Variants in GIGYF1 observed in about 807,000 individuals in gnomAD.
GIGYF1 encodes the protein GRB10-interacting GYF protein 1.
A neutral mutation model predicts 147.1 loss-of-function variants in GIGYF1; 84 were observed. The ratio of observed to expected loss-of-function variants is 0.57; its 90% CI spans 0.48 to 0.68. The LOEUF (loss-of-function observed/expected upper bound fraction) is 0.68. GIGYF1 is among the 30% of genes least tolerant of loss of function. The pLI, the probability that GIGYF1 is intolerant of heterozygous loss-of-function variation, is 0.00. For missense variants in GIGYF1, 1,485 were observed against 1,393.7 expected (o/e 1.07, Z -1.04); for synonymous variants, 752 against 589.5 (o/e 1.28, Z -3.99).
intron 1 of GIGYF1, among the ~76,000 whole-genome samples, chr7:100,690,895 T>C (rs1172528045): frequency 2.0e-5 from 3 of 151,586 alleles, no homozygotes; most frequent in Non-Finnish European, 4.4e-5. Flanking sequence ...CCTGGCTGTG[T>C]CTTGGCTGCA....
intron 23 of GIGYF1, 46 bp downstream of exon 23, chr7:100,682,544 C>A: frequency 6.3e-7 from 1 of 1,594,528 alleles, no homozygotes; most frequent in Non-Finnish European, 8.5e-7. Flanking sequence ...GGGTCTGCCA[C>A]CTTCCCCCTC....
Position 100,684,842 on chromosome 7 carries a change from T to G in GIGYF1, c.1343A>C (p.Gln448Pro), listed in dbSNP as rs376818698. ...SLQDSSLEEE[Q>P]FTAAMQTQGL... ...CTGGGTCTGCATGGCAGCCGTGAAC[T>G]GCTCCTCCTCCAAGGAGCTGTCCTG... The change falls in exon 15 of 27, where the codon CAG becomes CCG. Residue 448 changes from glutamine to proline, a missense_variant. Gln to Pro is a moderately conservative substitution (Grantham distance 76). Transcript: ENST00000678049. The G allele has an allele frequency of 2.7e-5, 44 of 1,606,352 alleles. No homozygotes were observed. The highest frequency in any genetic ancestry group is 3.7e-5 in the Non-Finnish European group (43 of 1,175,872).
chr7:100,684,986 T>C, intron 14 of GIGYF1, 63 bp downstream of exon 14: 2 of 1,562,420 alleles, frequency 1.3e-6, no homozygotes, highest in Non-Finnish European at 1.7e-6. Context: ...GGGCCGGGGC[T>C]GGGGCCAAGC....
intron 19 of GIGYF1, 42 bp downstream of exon 19, chr7:100,683,776 C>A: frequency 6.3e-7 from 1 of 1,575,916 alleles, no homozygotes; most frequent in South Asian, 1.1e-5. Flanking sequence ...CCCATTTCAC[C>A]CGGAGACTGC....
intron 23 of GIGYF1, 21 bp from the exon 24 acceptor site, chr7:100,682,503 A>G: frequency 1.2e-6 from 2 of 1,608,240 alleles, no homozygotes; most frequent in South Asian, 2.2e-5. Flanking sequence ...AGGGTGAGTC[A>G]GGGTTGGAAA....
At position 100,682,583 on chromosome 7, in the gene GIGYF1, C is replaced by T. The variant is rs115155006; in HGVS notation, c.2600+7G>A. ...GCCATCCCGGAGCCTCCAGGTGCCACGCCCACCTGAGAGATGGGCTGCTCC... is the reference window on the plus strand; with the variant it reads ...GCCATCCCGGAGCCTCCAGGTGCCATGCCCACCTGAGAGATGGGCTGCTCC... On this transcript the variant is annotated splice_region_variant and intron_variant, in intron 23 of 26. Coordinates refer to ENST00000678049, the MANE Select transcript of GIGYF1 (RefSeq NM_001375765.1). 3.9e-3 allele frequency: 6,207 copies of T among 1,592,458 alleles called. 243 individuals are homozygous for T. The African/African-American group carries it at 0.072, about 19-fold the overall frequency.
At position 100,687,034 on chromosome 7, in the gene GIGYF1, C is replaced by T. The variant is rs749348636; in HGVS notation, c.495G>A (p.Arg165=). ...CATCCCGCCTTGCTGACTTCTCAAA[C>T]CGCCTCTCGCCTCTGCAGCAGGGGA... The part of the protein sequence containing the change: ...SQSWDDRGER[R]FEKSARRDGA... The change falls in exon 9 of 27, where the codon CGG becomes CGA. Residue 165 remains arginine (R), a synonymous_variant. Coordinates refer to ENST00000678049, the MANE Select transcript of GIGYF1 (RefSeq NM_001375765.1). 9.9e-6 allele frequency: 16 copies of T among 1,613,894 alleles called. No individual in the cohort carries two copies. The highest frequency in any genetic ancestry group is 1.4e-5 in the Non-Finnish European group (16 of 1,180,024).
chr7:100,679,828 G>A lies in GIGYF1; in HGVS notation c.*1891C>T, dbSNP rs1161789845. On this transcript the variant is annotated 3_prime_UTR_variant, in exon 27 of 27. Transcript: ENST00000678049. ...CCCTATACTTCCTCACAGGGTTAAGGCCTCTCCAGGCTCATGGGCCCCCTA... is the reference window on the plus strand; with the variant it reads ...CCCTATACTTCCTCACAGGGTTAAGACCTCTCCAGGCTCATGGGCCCCCTA... The A allele has an allele frequency of 6.6e-6, 1 of 152,562 alleles. No individual in the cohort carries two copies. Among genetic ancestry groups the A allele is most frequent in the Non-Finnish European group, 1.5e-5 (1 of 68,042 alleles). 9.5% of individuals were successfully genotyped at this position (152,562 alleles called of 1,614,324 possible).
At chr7:100,692,030 G>GCACTT (rs369885073) in intron 1 of GIGYF1, among the ~76,000 whole-genome samples, 4 of 152,352 alleles carry the variant, frequency 2.6e-5, no homozygotes, top group African/African-American at 9.6e-5. Context: ...CCAACACAGA[G>GCACTT]CACTGTGCCT....
In GIGYF1 at chr7:100,688,282, G is replaced by C; in HGVS notation, c.-44C>G. 9 of 1,269,168 alleles carry C rather than the reference G, an allele frequency of 7.1e-6. No homozygotes were observed. The highest frequency in any genetic ancestry group is 1.0e-5 in the Non-Finnish European group (9 of 868,880). 78.6% of individuals were successfully genotyped at this position (1,269,168 alleles called of 1,614,324 possible). A position where few individuals can be genotyped will look rare whatever the true frequency, so the allele number is the denominator to read the frequency against. On this transcript the variant is annotated 5_prime_UTR_variant, in exon 4 of 27. Coordinates refer to ENST00000678049, the MANE Select transcript of GIGYF1 (RefSeq NM_001375765.1). ...TGAGAGGCCGGGGGTGGGGAGGAGGGGACCTGGCGTTCACTGTCCAAACAC... is the reference window on the plus strand; with the variant it reads ...TGAGAGGCCGGGGGTGGGGAGGAGGCGACCTGGCGTTCACTGTCCAAACAC...
Position 100,688,484 on chromosome 7 carries a change from T to C in GIGYF1, c.-103A>G. The C allele has an allele frequency of 2.9e-6, 2 of 690,262 alleles. No homozygotes were observed. Among genetic ancestry groups the C allele is most frequent in the Non-Finnish European group, 2.6e-6 (1 of 377,586 alleles). The allele number at this position is 690,262 out of a possible 1,614,324, so 42.8% of individuals were successfully genotyped here. On this transcript the variant is annotated 5_prime_UTR_variant, in exon 3 of 27. Coordinates refer to ENST00000678049, the MANE Select transcript of GIGYF1 (RefSeq NM_001375765.1). ...GCCACGTGGCCACTCACACCATGAG[T>C]TACCCAGAGATGAGTCCAGACGGTG...
chr7:100,685,114 C>A lies in GIGYF1; in HGVS notation c.1225G>T (p.Val409Leu). 3 of 1,583,534 alleles carry A rather than the reference C, an allele frequency of 1.9e-6. No individual in the cohort carries two copies. Among genetic ancestry groups the A allele is most frequent in the Non-Finnish European group, 2.6e-6 (3 of 1,163,840 alleles). The change falls in exon 14 of 27, where the codon GTG (valine) becomes TTG (leucine). Residue 409 changes from valine to leucine, a missense_variant. Transcript: ENST00000678049. ...CCGGGTGGGCCAGCAGAGGAGCCCA[C>A]CCCGGGACTCAGCTGGATCCCCCGA... is the stretch of plus-strand genomic sequence containing the variant. ...DIRGIQLSPG[V>L]GSSAGPPGDL...
At chr7:100,682,533 G>A in intron 23 of GIGYF1, 51 bp from the exon 24 acceptor site, 4 of 1,598,570 alleles carry the variant, frequency 2.5e-6, no homozygotes, top group Non-Finnish European at 3.4e-6. Flanking sequence ...AGGGGTTGGG[G>A]GGGTCTGCCA....
In GIGYF1 at chr7:100,687,829, G is replaced by A. The variant is rs751435221; in HGVS notation, c.220C>T (p.Leu74=). The change falls in exon 6 of 27, where the codon CTG becomes TTG. Residue 74 remains leucine, a synonymous_variant. Coordinates refer to ENST00000678049, the MANE Select transcript of GIGYF1 (RefSeq NM_001375765.1). ...EFAAVLQDEP[L]QPLALEPLTE... Reference sequence around the variant, plus strand: ...AGCGGCTCCAGAGCCAGGGGCTGCAGTGGCTCGTCCTGCAGCACCGCGGCG... The same window carrying A: ...AGCGGCTCCAGAGCCAGGGGCTGCAATGGCTCGTCCTGCAGCACCGCGGCG... 7.4e-6 allele frequency: 12 copies of A among 1,612,746 alleles called. No individual in the cohort carries two copies. Among genetic ancestry groups the A allele is most frequent in the South Asian group, 5.5e-5 (5 of 91,076 alleles).
intron 12 of GIGYF1, among the ~76,000 whole-genome samples, 169 bp downstream of exon 12, chr7:100,685,805 G>A (rs1166878290): frequency 6.6e-6 from 1 of 152,188 alleles, no homozygotes; most frequent in Non-Finnish European, 1.5e-5. Context: ...ACACTGCCTT[G>A]AAGACATGGC....
intron 8 of GIGYF1, 101 bp from the exon 9 acceptor site, chr7:100,687,147 G>T: frequency 1.3e-6 from 2 of 1,530,642 alleles, no homozygotes; most frequent in Non-Finnish European, 1.8e-6. Flanking sequence ...GGCAGTGGAG[G>T]GAGGAAGGGG....
chr7:100,685,277 A>C (rs1805209239), intron 13 of GIGYF1, 67 bp downstream of exon 13: 1 of 1,538,304 alleles, frequency 6.5e-7, no homozygotes, highest in Non-Finnish European at 8.8e-7. Context: ...GCCCACCCCC[A>C]CGAGTGGGGA....
rs1424010886 is a variant in GIGYF1, at chr7:100,686,181, T to G, written c.947A>C (p.Lys316Thr). 6.2e-7 allele frequency: 1 copy of G among 1,607,792 alleles called. No individual in the cohort carries two copies. The highest frequency in any genetic ancestry group is 8.5e-7 in the Non-Finnish European group (1 of 1,176,446). Residue 316 changes from lysine to threonine, a missense_variant and splice_region_variant, in exon 11 of 27, where the codon AAG becomes ACG. Transcript: ENST00000678049. Reference sequence around the variant, plus strand: ...CCACCCTCGCCTCCTCACAGATACCTTGAGAGGCAAGAAGGCCCCAGAGGC... The same window carrying G: ...CCACCCTCGCCTCCTCACAGATACCGTGAGAGGCAAGAAGGCCCCAGAGGC... ...FDASGAFLPL[K>T]KGPKEPIPEE...
rs759384724 is a variant in GIGYF1, at chr7:100,683,468, G to T, written c.2053-24C>A. 7 of 1,614,080 alleles carry T rather than the reference G, an allele frequency of 4.3e-6. No individual in the cohort carries two copies. In the East Asian group the frequency reaches 1.6e-4, roughly 36 times the overall value. ...AACTGAGACCAGTGGCCCATCAGAG[G>T]GGAGAGCTGCAGGGGACAGCCTGGG... On this transcript the variant is annotated intron_variant, in intron 20 of 26. Transcript: ENST00000678049.
Sources: gnomAD v4.1 joint callset for allele counts (sites outside exome capture counted in the v4.1 genomes callset) on GRCh38, gnomAD v4.1.1 for gene constraint, MANE v1.5 for transcripts, NCBI Gene and HGNC (gene_info 2026-07-23, HGNC 2026-07-21) for gene names.